ACTR3C: variants seen among roughly 807,000 people sequenced by gnomAD.
The protein encoded by ACTR3C is actin-related protein 3C.
A neutral mutation model predicts 26.3 loss-of-function variants in ACTR3C; 18 were observed. The ratio of observed to expected loss-of-function variants is 0.68; its 90% CI spans 0.47 to 1.01. The LOEUF (loss-of-function observed/expected upper bound fraction) is 1.01, where lower values mean the gene tolerates loss of function less well. ACTR3C is among the 50% of genes least tolerant of loss of function. The probability of loss-of-function intolerance (pLI) is 0.00; values close to 1 mark genes in which losing one functional copy is unlikely to be tolerated. For synonymous variants in ACTR3C, 55 were observed against 94.5 expected (o/e 0.58, Z 2.42); for missense variants, 184 against 250.7 (o/e 0.73, Z 1.80).
chr7:150,005,516 C>A, the ACTR3C span, among the ~76,000 whole-genome samples: 1 of 152,066 alleles, frequency 6.6e-6, no homozygotes, highest in East Asian at 1.9e-4. Context: ...GTCCACATCA[C>A]CTCCTTGCGT....
the ACTR3C span, among the ~76,000 whole-genome samples, chr7:149,907,480 C>CTCTTCTCTCTCTT: frequency 3.3e-5 from 4 of 120,502 alleles, no homozygotes; most frequent in Admixed American, 3.1e-4. Flanking sequence ...CTCTTCTCTT[C>CTCTTCTCTCTCTT]TCTCTCTCTC....
At chr7:150,036,305 G>A in the ACTR3C span, among the ~76,000 whole-genome samples, 4 of 147,778 alleles carry the variant, frequency 2.7e-5, no homozygotes, top group Non-Finnish European at 4.6e-5. Context: ...TTGCTGCCAA[G>A]GCCCTCAAAT....
At chr7:150,264,274 G>A (rs1030225796) in intron 6 of ACTR3C, among the ~76,000 whole-genome samples, 8 of 152,222 alleles carry the variant, frequency 5.3e-5, no homozygotes, top group African/African-American at 9.7e-5. Flanking sequence ...AGCTCAGCAC[G>A]GAATAGAGCT....
chr7:150,023,146 T>TCTATATAGATATATATATAGAG, the ACTR3C span, among the ~76,000 whole-genome samples: 4 of 131,092 alleles, frequency 3.1e-5, no homozygotes, highest in Admixed American at 3.1e-4. Flanking sequence ...TATATATAGA[T>TCTATATAGATATATATATAGAG]ATCTATATAG....
chr7:150,107,194 G>C, the ACTR3C span, among the ~76,000 whole-genome samples: 4 of 147,352 alleles, frequency 2.7e-5, no homozygotes, highest in Admixed American at 1.3e-4. Context: ...GATACATCAC[G>C]AAGAATACAA....
chr7:150,065,976 G>T, the ACTR3C span, among the ~76,000 whole-genome samples: 1 of 151,824 alleles, frequency 6.6e-6, no homozygotes, highest in Non-Finnish European at 1.5e-5. Flanking sequence ...CTTGCACAGT[G>T]CCCAGATATC....
At chr7:150,003,477 T>C in the ACTR3C span, among the ~76,000 whole-genome samples, 1 of 152,398 alleles carries the variant, frequency 6.6e-6, no homozygotes, top group Non-Finnish European at 1.5e-5. Context: ...GTGTGTGGTG[T>C]GTATGATGTG....
chr7:150,195,229 C>G, the ACTR3C span, among the ~76,000 whole-genome samples: 1 of 151,138 alleles, frequency 6.6e-6, no homozygotes, highest in Non-Finnish European at 1.5e-5. Flanking sequence ...CCATAGATAC[C>G]TTTTAACCAT....
chr7:150,118,373 T>C, the ACTR3C span, among the ~76,000 whole-genome samples: 3 of 151,512 alleles, frequency 2.0e-5, no homozygotes, highest in Non-Finnish European at 4.4e-5. Flanking sequence ...GAATAACCAG[T>C]TTAGAGAAGA....
At chr7:150,137,915 TG>T in the ACTR3C span, among the ~76,000 whole-genome samples, 1 of 152,136 alleles carries the variant, frequency 6.6e-6, no homozygotes, top group Non-Finnish European at 1.5e-5. Context: ...GGTGGGAAGG[TG>T]GTGTCTGAAG....
chr7:150,118,760 G>C, the ACTR3C span, among the ~76,000 whole-genome samples: 1 of 140,872 alleles, frequency 7.1e-6, no homozygotes, highest in Non-Finnish European at 1.5e-5. Flanking sequence ...CCTCGAGAAG[G>C]GCAACCCCAA....
At chr7:150,143,317 T>C in the ACTR3C span, among the ~76,000 whole-genome samples, 1 of 152,124 alleles carries the variant, frequency 6.6e-6, no homozygotes, top group Non-Finnish European at 1.5e-5. Flanking sequence ...TAATGACTTA[T>C]GAAAATGCAC....
chr7:150,125,854 G>A, the ACTR3C span, among the ~76,000 whole-genome samples: 4 of 152,184 alleles, frequency 2.6e-5, no homozygotes, highest in Admixed American at 6.5e-5. Flanking sequence ...GGACATGGTC[G>A]AAGAAGCCAG....
the ACTR3C span, among the ~76,000 whole-genome samples, chr7:149,935,971 C>T: frequency 1.3e-5 from 2 of 152,014 alleles, no homozygotes; most frequent in Non-Finnish European, 2.9e-5. Flanking sequence ...CTTAGTTATG[C>T]ACAGTCACCC....
At chr7:150,085,254 T>C in the ACTR3C span, among the ~76,000 whole-genome samples, 3 of 152,122 alleles carry the variant, frequency 2.0e-5, no homozygotes, top group South Asian at 6.2e-4. Context: ...GGAATCCTCA[T>C]CATATGGCCA....
At chr7:150,058,235 T>C in the ACTR3C span, among the ~76,000 whole-genome samples, 3 of 152,240 alleles carry the variant, frequency 2.0e-5, no homozygotes, top group Non-Finnish European at 4.4e-5. Flanking sequence ...GTGCTTTGGA[T>C]AAGACCGGAA....
chr7:150,034,987 C>T, the ACTR3C span, among the ~76,000 whole-genome samples: 6 of 143,896 alleles, frequency 4.2e-5, 1 homozygote, highest in Non-Finnish European at 9.2e-5. Flanking sequence ...GGGGGTGCCT[C>T]CCCCTCCTGT....
chr7:150,096,072 T>C, the ACTR3C span, among the ~76,000 whole-genome samples: 3 of 148,974 alleles, frequency 2.0e-5, no homozygotes, highest in Admixed American at 6.6e-5. Flanking sequence ...GATTTATCAT[T>C]GTTTACTATA....
At chr7:150,158,866 A>C in the ACTR3C span, among the ~76,000 whole-genome samples, 2 of 83,796 alleles carry the variant, frequency 2.4e-5, no homozygotes, top group African/African-American at 7.7e-5. Context: ...AGGCATGCCC[A>C]CACACACACG....
Sources: gnomAD v4.1 joint callset for allele counts (sites outside exome capture counted in the v4.1 genomes callset) on GRCh38, gnomAD v4.1.1 for gene constraint, MANE v1.5 for transcripts, NCBI Gene and HGNC (gene_info 2026-07-23, HGNC 2026-07-21) for gene names.